Variants in GLIS3 observed in about 807,000 individuals in gnomAD.
GLIS3 encodes the protein zinc finger protein GLIS3.
In GLIS3, 53 loss-of-function variants were observed where a neutral mutation model predicts 78.6. The ratio of observed to expected loss-of-function variants is 0.67; its 90% CI spans 0.54 to 0.85. The LOEUF (loss-of-function observed/expected upper bound fraction) is 0.85, where lower values mean the gene tolerates loss of function less well. GLIS3 is among the 40% of genes least tolerant of loss of function. The probability of loss-of-function intolerance (pLI) is 0.00; values close to 1 mark genes in which losing one functional copy is unlikely to be tolerated. For missense variants in GLIS3, 1,703 were observed against 1,231.1 expected, an observed-to-expected ratio of 1.38 and a Z score of -5.74; for synonymous variants, 684 against 509.9, an observed-to-expected ratio of 1.34 and a Z score of -4.60.
chr9:4,053,246 GC>G (rs1177391559), intron 4 of GLIS3, among the ~76,000 whole-genome samples: 1 of 152,162 alleles, frequency 6.6e-6, no homozygotes, highest in African/African-American at 2.4e-5. Context: ...ACAGCGCCCA[GC>G]CTCATGTTTA....
chr9:4,223,051 T>C (rs115120292), intron 2 of GLIS3, among the ~76,000 whole-genome samples: 1 of 152,298 alleles, frequency 6.6e-6, no homozygotes, highest in African/African-American at 2.4e-5. Flanking sequence ...AAGATCACTT[T>C]TTGAGTACAG....
chr9:4,047,115 A>C (rs747943777), intron 4 of GLIS3, among the ~76,000 whole-genome samples: 1 of 152,184 alleles, frequency 6.6e-6, no homozygotes, highest in African/African-American at 2.4e-5. Context: ...TGACTGGATC[A>C]TGGGGGCTGT....
intron 4 of GLIS3, among the ~76,000 whole-genome samples, chr9:4,022,541 G>C (rs536144528): frequency 1.3e-5 from 2 of 152,198 alleles, no homozygotes; most frequent in African/African-American, 4.8e-5. Context: ...TTAAACATAA[G>C]CCTACCCTAT....
upstream of GLIS3, among the ~76,000 whole-genome samples, chr9:4,352,666 C>G (rs1361191797): frequency 6.6e-6 from 1 of 152,246 alleles, no homozygotes; most frequent in Non-Finnish European, 1.5e-5. Flanking sequence ...GGGAGATGAT[C>G]AAGACCATCG....
intron 2 of GLIS3, among the ~76,000 whole-genome samples, chr9:4,331,451 T>C (rs955334074): frequency 5.9e-5 from 9 of 152,174 alleles, no homozygotes; most frequent in African/African-American, 2.2e-4. Flanking sequence ...GGGGACACTA[T>C]TCAACCCACT....
intron 4 of GLIS3, among the ~76,000 whole-genome samples, chr9:3,980,357 C>T (rs980050507): frequency 2.6e-5 from 4 of 152,182 alleles, no homozygotes; most frequent in African/African-American, 7.2e-5. Flanking sequence ...TCACACTCGA[C>T]GTAAGTGGCA....
At chr9:4,393,823 A>T in the GLIS3 span, among the ~76,000 whole-genome samples, 1 of 152,192 alleles carries the variant, frequency 6.6e-6, no homozygotes, top group Non-Finnish European at 1.5e-5. Flanking sequence ...GTTAAGACAT[A>T]ATCTTTTTCT....
At chr9:3,852,889 A>G (rs1408199814) in intron 9 of GLIS3, among the ~76,000 whole-genome samples, 1 of 152,184 alleles carries the variant, frequency 6.6e-6, no homozygotes, top group Non-Finnish European at 1.5e-5. Context: ...CTCATTGGCC[A>G]TGGGGAATTT....
At chr9:4,266,266 A>ACCTGGCT (rs1825998972) in intron 2 of GLIS3, among the ~76,000 whole-genome samples, 1 of 151,764 alleles carries the variant, frequency 6.6e-6, no homozygotes, top group Non-Finnish European at 1.5e-5. Context: ...AAAATGAGCC[A>ACCTGGCT]CCTGGCTCAA....
the GLIS3 span, among the ~76,000 whole-genome samples, chr9:4,398,221 T>TG: frequency 3.9e-5 from 6 of 152,086 alleles, no homozygotes; most frequent in African/African-American, 1.5e-4. Context: ...GAGGCATATT[T>TG]TTTTTAATAT....
chr9:4,040,208 T>A (rs1374001586), intron 4 of GLIS3, among the ~76,000 whole-genome samples: 1 of 152,088 alleles, frequency 6.6e-6, no homozygotes, highest in East Asian at 1.9e-4. Flanking sequence ...ATCACAGCCT[T>A]GGTCTTCAAA....
At chr9:3,984,296 G>A (rs1032944997) in intron 4 of GLIS3, among the ~76,000 whole-genome samples, 1 of 152,252 alleles carries the variant, frequency 6.6e-6, no homozygotes, top group Non-Finnish European at 1.5e-5. Flanking sequence ...TGCTGGGAGG[G>A]ACGCTATACC....
the GLIS3 span, among the ~76,000 whole-genome samples, chr9:4,423,151 G>A: frequency 6.6e-6 from 1 of 152,012 alleles, no homozygotes; most frequent in African/African-American, 2.4e-5. Flanking sequence ...TCATTTCCCA[G>A]CCCAGTTCAT....
intron 2 of GLIS3, among the ~76,000 whole-genome samples, chr9:4,210,966 T>A (rs1235674051): frequency 6.6e-6 from 1 of 152,212 alleles, no homozygotes; most frequent in Non-Finnish European, 1.5e-5. Context: ...GCGCAGAGTT[T>A]CCACTATATT....
the GLIS3 span, among the ~76,000 whole-genome samples, chr9:4,364,756 C>CTT: frequency 0.017 from 1,063 of 60,948 alleles, 103 homozygotes; most frequent in Middle Eastern, 0.068. Context: ...TCATGTATTG[C>CTT]TTTTTTTTTT....
intron 4 of GLIS3, among the ~76,000 whole-genome samples, chr9:3,941,630 G>C (rs961955969): frequency 6.6e-6 from 1 of 152,084 alleles, no homozygotes; most frequent in Non-Finnish European, 1.5e-5. Flanking sequence ...TTTTCTGTTT[G>C]CACATTTCAG....
chr9:3,887,540 TACAA>T (rs1822163453), intron 7 of GLIS3, among the ~76,000 whole-genome samples: 1 of 152,218 alleles, frequency 6.6e-6, no homozygotes, highest in East Asian at 1.9e-4. Flanking sequence ...CAGGTTCTCT[TACAA>T]ACAGATATTC....
intron 2 of GLIS3, among the ~76,000 whole-genome samples, chr9:4,225,411 C>T (rs1488248803): frequency 1.3e-5 from 2 of 152,104 alleles, no homozygotes; most frequent in Non-Finnish European, 2.9e-5. Flanking sequence ...AATTTTTTAA[C>T]CATTAGAAAA....
intron 2 of GLIS3, among the ~76,000 whole-genome samples, chr9:4,214,879 T>G (rs909423733): frequency 2.6e-5 from 4 of 152,188 alleles, no homozygotes; most frequent in African/African-American, 9.7e-5. Flanking sequence ...GGCATATAAC[T>G]TGAACTAATC....
Sources: allele counts gnomAD v4.1 joint callset (sites outside exome capture counted in the v4.1 genomes callset), GRCh38; gene constraint gnomAD v4.1.1; transcripts MANE v1.5; gene names NCBI Gene and HGNC (gene_info 2026-07-23, HGNC 2026-07-21).